The following CRADD variants were observed in gnomAD, a reference collection of about 807,000 sequenced individuals.
CRADD encodes the protein CARD and death domain containing adaptor protein, also known as death domain-containing protein CRADD.
A neutral mutation model predicts 15.5 loss-of-function variants in CRADD; 9 were observed. The observed-to-expected ratio is 0.58, with a 90% CI of 0.35 to 1.01. The LOEUF (loss-of-function observed/expected upper bound fraction) is 1.01. CRADD is among the 50% of genes least tolerant of loss of function. The pLI, the probability that CRADD is intolerant of heterozygous loss-of-function variation, is 0.02. For synonymous variants in CRADD, 118 were observed against 107.6 expected (o/e 1.10, Z -0.60); for missense variants, 227 against 250.3 (o/e 0.91, Z 0.63).
chr12:93,841,876 C>T (rs910787397), intron 2 of CRADD, among the ~76,000 whole-genome samples: 16 of 152,136 alleles, frequency 1.1e-4, no homozygotes, highest in African/African-American at 3.4e-4. Flanking sequence ...ACACTTACAT[C>T]AGTAACAGTG....
chr12:93,795,295 C>G (rs371703860), intron 2 of CRADD, among the ~76,000 whole-genome samples: 1 of 152,170 alleles, frequency 6.6e-6, no homozygotes, highest in Non-Finnish European at 1.5e-5. Flanking sequence ...TTTTATCCCA[C>G]GCTTCTTCCC....
intron 2 of CRADD, chr12:93,859,411 G>A (rs183097989): frequency 1.1e-3 from 484 of 453,878 alleles, no homozygotes; most frequent in Non-Finnish European, 1.8e-3. Flanking sequence ...CTAAGGCCTC[G>A]TTACCTGTGT....
chr12:93,785,660 T>C (rs1490744815), intron 2 of CRADD, among the ~76,000 whole-genome samples: 4 of 152,204 alleles, frequency 2.6e-5, no homozygotes, highest in Non-Finnish European at 4.4e-5. Context: ...AGTTCCAGCA[T>C]GTTCATCAGA....
At chr12:93,766,058 TC>T (rs1279372361) in intron 2 of CRADD, among the ~76,000 whole-genome samples, 1 of 152,238 alleles carries the variant, frequency 6.6e-6, no homozygotes, top group African/African-American at 2.4e-5. Context: ...TTTAAATTAT[TC>T]ATATTTGAAG....
chr12:93,721,972 A>T (rs1043709837), intron 2 of CRADD, among the ~76,000 whole-genome samples: 1 of 152,032 alleles, frequency 6.6e-6, no homozygotes, highest in African/African-American at 2.4e-5. Flanking sequence ...CTGACCTAAC[A>T]TTATTTTCCT....
At chr12:93,685,180 T>C (rs1352203391) in intron 2 of CRADD, among the ~76,000 whole-genome samples, 2 of 152,232 alleles carry the variant, frequency 1.3e-5, no homozygotes, top group African/African-American at 2.4e-5. Context: ...CTTAATGGGT[T>C]CCTTCCATTT....
intron 2 of CRADD, among the ~76,000 whole-genome samples, chr12:93,787,267 G>A (rs914650478): frequency 3.7e-5 from 5 of 134,608 alleles, no homozygotes; most frequent in African/African-American, 1.4e-4. Context: ...GTAATTTTTC[G>A]TTAAAAACGA....
intron 2 of CRADD, among the ~76,000 whole-genome samples, chr12:93,835,938 G>A (rs561187768): frequency 1.4e-3 from 210 of 152,180 alleles, no homozygotes; most frequent in Non-Finnish European, 1.6e-3. Flanking sequence ...TGAGGACCAG[G>A]TATTTCCTGT....
At chr12:93,879,279 A>G (rs1958478701) in intron 2 of CRADD, among the ~76,000 whole-genome samples, 1 of 152,100 alleles carries the variant, frequency 6.6e-6, no homozygotes, top group South Asian at 2.1e-4. Context: ...GGATCTAATA[A>G]GGATTTTATC....
intron 2 of CRADD, among the ~76,000 whole-genome samples, chr12:93,711,974 T>C (rs563162897): frequency 6.6e-6 from 1 of 152,284 alleles, no homozygotes; most frequent in East Asian, 1.9e-4. Flanking sequence ...CAAGCTGCTC[T>C]TGAACTCCTG....
At chr12:93,692,065 T>A (rs1955585970) in intron 2 of CRADD, among the ~76,000 whole-genome samples, 1 of 151,994 alleles carries the variant, frequency 6.6e-6, no homozygotes, top group African/African-American at 2.4e-5. Flanking sequence ...AATTAAATTC[T>A]GGAGCCGAAA....
At chr12:93,704,380 C>A (rs1955902056) in intron 2 of CRADD, among the ~76,000 whole-genome samples, 1 of 152,124 alleles carries the variant, frequency 6.6e-6, no homozygotes, top group African/African-American at 2.4e-5. Context: ...TCTAAACATC[C>A]TTCTGTGTAC....
intron 2 of CRADD, among the ~76,000 whole-genome samples, chr12:93,764,702 C>T (rs1010231017): frequency 7.4e-5 from 11 of 147,960 alleles, no homozygotes; most frequent in Non-Finnish European, 1.2e-4. Flanking sequence ...AATTGTGGAA[C>T]GCTTTGTGGT....
At chr12:93,721,762 G>C (rs753343907) in intron 2 of CRADD, among the ~76,000 whole-genome samples, 1 of 152,136 alleles carries the variant, frequency 6.6e-6, no homozygotes, top group Non-Finnish European at 1.5e-5. Context: ...GGTATCCACT[G>C]GGGGTGGGGC....
chr12:93,845,617 A>G (rs995735197), intron 2 of CRADD, among the ~76,000 whole-genome samples: 1 of 151,910 alleles, frequency 6.6e-6, no homozygotes, highest in African/African-American at 2.4e-5. Flanking sequence ...GCTTGCAAAA[A>G]TAAACATACA....
At chr12:93,722,999 C>G (rs143331796) in intron 2 of CRADD, among the ~76,000 whole-genome samples, 15 of 152,208 alleles carry the variant, frequency 9.9e-5, no homozygotes, top group Non-Finnish European at 2.1e-4. Flanking sequence ...AAAATTATGA[C>G]CATGAGAAAA....
At chr12:93,725,177 A>C (rs1956336566) in intron 2 of CRADD, among the ~76,000 whole-genome samples, 1 of 152,002 alleles carries the variant, frequency 6.6e-6, no homozygotes, top group Admixed American at 6.6e-5. Context: ...ATTATTTTTT[A>C]TGTTCATCCC....
At chr12:93,738,662 A>G in intron 2 of CRADD, 2 of 531,598 alleles carry the variant, frequency 3.8e-6, no homozygotes, top group Non-Finnish European at 3.3e-6. Context: ...TTTTGTGCGT[A>G]AAGTGTCAAC....
intron 2 of CRADD, among the ~76,000 whole-genome samples, chr12:93,872,113 A>T (rs1330116028): frequency 6.6e-6 from 1 of 152,074 alleles, no homozygotes; most frequent in East Asian, 1.9e-4. Context: ...TTTAACTGGG[A>T]TGAGATGATA....
Sources: allele counts gnomAD v4.1 joint callset (sites outside exome capture counted in the v4.1 genomes callset), GRCh38; gene constraint gnomAD v4.1.1; transcripts MANE v1.5; gene names NCBI Gene and HGNC (gene_info 2026-07-23, HGNC 2026-07-21).